SHISA9: variants seen among roughly 807,000 people sequenced by gnomAD.
SHISA9 encodes the protein protein shisa-9.
In SHISA9, 13 loss-of-function variants were observed where a neutral mutation model predicts 38.0. That is an observed-to-expected ratio of 0.34 (90% CI 0.22 to 0.54). The LOEUF (loss-of-function observed/expected upper bound fraction) is 0.54. SHISA9 is among the 20% of genes least tolerant of loss of function. SHISA9 has a pLI of 0.91. For synonymous variants in SHISA9, 275 were observed against 242.0 expected (o/e 1.14, Z -1.27); for missense variants, 538 against 575.8 (o/e 0.93, Z 0.67).
chr16:12,979,605 T>C (rs2072213737), intron 2 of SHISA9, among the ~76,000 whole-genome samples: 1 of 152,170 alleles, frequency 6.6e-6, no homozygotes, highest in Non-Finnish European at 1.5e-5. Context: ...ACGTGTATAT[T>C]TTTATGTTGC....
intron 2 of SHISA9, among the ~76,000 whole-genome samples, chr16:13,064,146 C>T (rs899382448): frequency 2.0e-5 from 3 of 152,116 alleles, no homozygotes; most frequent in African/African-American, 7.2e-5. Context: ...CTCAAGTGAT[C>T]GTCTTGTCTC....
intron 2 of SHISA9, among the ~76,000 whole-genome samples, chr16:13,028,291 G>C (rs2072949759): frequency 6.6e-6 from 1 of 152,098 alleles, no homozygotes; most frequent in African/African-American, 2.4e-5. Flanking sequence ...TTCATTCTTA[G>C]GCAGGTTCTC....
At chr16:13,216,883 C>T (rs2051174184) in intron 4 of SHISA9, among the ~76,000 whole-genome samples, 1 of 152,152 alleles carries the variant, frequency 6.6e-6, no homozygotes, top group Admixed American at 6.5e-5. Context: ...ATGCAAGTTG[C>T]CCCCTAGTGG....
the SHISA9 span, among the ~76,000 whole-genome samples, chr16:13,377,677 A>T: frequency 1.3e-4 from 20 of 152,246 alleles, no homozygotes; most frequent in Non-Finnish European, 2.8e-4. Context: ...CTCAGTATAT[A>T]GCTCAATAAT....
the SHISA9 span, among the ~76,000 whole-genome samples, chr16:13,366,611 AG>A: frequency 6.6e-6 from 1 of 151,692 alleles, no homozygotes; most frequent in Non-Finnish European, 1.5e-5. Flanking sequence ...GGGAGGCTGA[AG>A]CAAGAGGATT....
downstream of SHISA9, among the ~76,000 whole-genome samples, chr16:13,242,185 G>C (rs540171201): frequency 6.6e-6 from 1 of 152,338 alleles, no homozygotes; most frequent in Admixed American, 6.5e-5. Context: ...CAACTAGTAA[G>C]TGGTAGAACT....
At chr16:13,026,248 C>CG (rs2072920395) in intron 2 of SHISA9, among the ~76,000 whole-genome samples, 1 of 692 alleles carries the variant, frequency 1.4e-3, no homozygotes, top group Non-Finnish European at 7.2e-3. Context: ...TCCCTATCCC[C>CG]CGGCAACTAC....
intron 2 of SHISA9, among the ~76,000 whole-genome samples, chr16:12,975,064 G>C (rs1359181060): frequency 6.6e-6 from 1 of 152,124 alleles, no homozygotes; most frequent in Non-Finnish European, 1.5e-5. Flanking sequence ...TTGAGCACCT[G>C]TTGTGACCGG....
intron 2 of SHISA9, among the ~76,000 whole-genome samples, chr16:13,022,114 G>C (rs1283184797): frequency 3.9e-5 from 6 of 152,054 alleles, no homozygotes; most frequent in African/African-American, 1.2e-4. Flanking sequence ...ACATGGCCTT[G>C]TTCCTTCTGT....
the SHISA9 span, among the ~76,000 whole-genome samples, chr16:13,537,458 TAAG>T: frequency 6.6e-6 from 1 of 151,880 alleles, no homozygotes; most frequent in African/African-American, 2.4e-5. Context: ...GAAAAAATTT[TAAG>T]AAGAAAAAAT....
chr16:12,923,926 C>G (rs1393986164), intron 2 of SHISA9, among the ~76,000 whole-genome samples: 1 of 152,144 alleles, frequency 6.6e-6, no homozygotes, highest in Admixed American at 6.5e-5. Context: ...CTGTCCGACT[C>G]CACAGCTTGC....
At chr16:13,475,328 T>C in the SHISA9 span, among the ~76,000 whole-genome samples, 9 of 150,952 alleles carry the variant, frequency 6.0e-5, no homozygotes, top group African/African-American at 2.2e-4. Flanking sequence ...ATGCTTAATA[T>C]ATATCACATA....
intron 2 of SHISA9, among the ~76,000 whole-genome samples, chr16:13,019,849 TCCCTCCC>T (rs2072811713): frequency 2.4e-4 from 4 of 16,608 alleles, no homozygotes; most frequent in African/African-American, 8.0e-4. Context: ...CTTCCTTCCC[TCCCTCCC>T]TCCCTCCCTC....
the SHISA9 span, among the ~76,000 whole-genome samples, chr16:13,546,825 C>T: frequency 1.7e-3 from 266 of 152,264 alleles, 1 homozygote; most frequent in African/African-American, 5.3e-3. Flanking sequence ...AGAAACCATA[C>T]GGTCTGTTAA....
chr16:13,478,544 G>A, the SHISA9 span, among the ~76,000 whole-genome samples: 1 of 152,166 alleles, frequency 6.6e-6, no homozygotes, highest in Admixed American at 6.5e-5. Context: ...TCCTGCAGCT[G>A]TAAAATGCAA....
At chr16:13,425,371 T>C in the SHISA9 span, among the ~76,000 whole-genome samples, 95 of 152,334 alleles carry the variant, frequency 6.2e-4, no homozygotes, top group Middle Eastern at 3.4e-3. Flanking sequence ...TCTGTAGTCC[T>C]GGCTACTCAG....
chr16:13,284,052 T>C, the SHISA9 span, among the ~76,000 whole-genome samples: 1 of 152,176 alleles, frequency 6.6e-6, no homozygotes, highest in Non-Finnish European at 1.5e-5. Context: ...TCATTAAACA[T>C]TACTCATGAA....
Position 13,225,786 on chromosome 16 carries a change from G to A in SHISA9, c.896-9244G>A, listed in dbSNP as rs531930053. ...CGGAAGCCAGGCTCCATCCCGCCCC[G>A]CACCTGTACAAGTGTCTGCTGCTAA... On this transcript the variant is annotated intron_variant, in intron 4 of 4. Coordinates refer to ENST00000558583, the MANE Select transcript of SHISA9 (RefSeq NM_001145204.3). 5.9e-5 allele frequency among the ~76,000 whole-genome samples: 9 copies of A among 152,138 alleles called. No homozygotes were observed. The East Asian group carries it at 1.2e-3, about 19-fold the overall frequency.
At chr16:13,086,514 G>A (rs2073712694) in intron 2 of SHISA9, among the ~76,000 whole-genome samples, 1 of 152,112 alleles carries the variant, frequency 6.6e-6, no homozygotes, top group Non-Finnish European at 1.5e-5. Context: ...GCAAAAAAAG[G>A]AGACTTGAGA....
Sources: gnomAD v4.1 joint callset for allele counts (sites outside exome capture counted in the v4.1 genomes callset) on GRCh38, gnomAD v4.1.1 for gene constraint, MANE v1.5 for transcripts, NCBI Gene and HGNC (gene_info 2026-07-23, HGNC 2026-07-21) for gene names.